The following NBEA variants were observed in gnomAD, a reference collection of about 807,000 sequenced individuals.
NBEA encodes the protein lysosomal-trafficking regulator 2.
NBEA carries 44 observed loss-of-function variants against 343.4 expected under a neutral mutation model. That is an observed-to-expected ratio of 0.13 (90% CI 0.10 to 0.16). The LOEUF (loss-of-function observed/expected upper bound fraction) is 0.16. Ranked by LOEUF, NBEA falls within the 10% of genes least tolerant of loss-of-function variation. The pLI is 1.00. For synonymous variants in NBEA, 1,175 were observed against 1,238.7 expected, an observed-to-expected ratio of 0.95 and a Z score of 1.08; for missense variants, 2,555 against 3,631.3, an observed-to-expected ratio of 0.70 and a Z score of 7.62.
intron 41 of NBEA, among the ~76,000 whole-genome samples, chr13:35,521,321 CA>C (rs2077703526): frequency 6.6e-6 from 1 of 152,080 alleles, no homozygotes; most frequent in African/African-American, 2.4e-5. Context: ...CTTTAAGCAG[CA>C]AAATTTCACC....
intron 34 of NBEA, among the ~76,000 whole-genome samples, chr13:35,283,648 T>A (rs1221295470): frequency 1.3e-5 from 2 of 152,182 alleles, no homozygotes; most frequent in Non-Finnish European, 2.9e-5. Flanking sequence ...TTTCATAGCA[T>A]CTTTAGGAAA....
intron 38 of NBEA, among the ~76,000 whole-genome samples, chr13:35,369,739 G>A (rs2041323121): frequency 1.3e-5 from 2 of 151,890 alleles, no homozygotes; most frequent in Non-Finnish European, 2.9e-5. Flanking sequence ...AGATCGAAGA[G>A]GTTTTTGGTG....
At chr13:35,438,518 A>C (rs1391362813) in intron 39 of NBEA, among the ~76,000 whole-genome samples, 7 of 152,200 alleles carry the variant, frequency 4.6e-5, no homozygotes, top group African/African-American at 1.7e-4. Context: ...GATTTTGTAA[A>C]ACCTAATAAC....
chr13:34,986,130 G>C lies in NBEA; in HGVS notation c.294+43016G>C, dbSNP rs566687998. On this transcript the variant is annotated intron_variant, in intron 1 of 58. Coordinates refer to ENST00000379939, the MANE Select transcript of NBEA (RefSeq NM_001385012.1). Reference sequence around the variant, plus strand: ...TAGTTCTTTTAATTGTGATGTTAGGGTGTCGATTTTAGATGTTTCCTGCTT... The same window carrying C: ...TAGTTCTTTTAATTGTGATGTTAGGCTGTCGATTTTAGATGTTTCCTGCTT... Among the ~76,000 whole-genome samples the C allele has an allele frequency of 1.1e-4, 16 of 150,514 alleles. 1 individual carries two copies. Among genetic ancestry groups the C allele is most frequent in the Non-Finnish European group, 1.9e-4 (13 of 67,300 alleles).
chr13:35,135,742 C>T (rs961710614), intron 17 of NBEA, among the ~76,000 whole-genome samples: 2 of 151,664 alleles, frequency 1.3e-5, no homozygotes, highest in African/African-American at 2.4e-5. Context: ...GAATAGAAAG[C>T]ACAGAAACAC....
chr13:35,434,106 T>A (rs1313792174), intron 39 of NBEA, among the ~76,000 whole-genome samples: 1 of 152,136 alleles, frequency 6.6e-6, no homozygotes, highest in Non-Finnish European at 1.5e-5. Flanking sequence ...AGAAAAATGT[T>A]TGTATTTCTT....
intron 39 of NBEA, among the ~76,000 whole-genome samples, chr13:35,450,104 A>T (rs2046230823): frequency 6.6e-6 from 1 of 152,160 alleles, no homozygotes; most frequent in South Asian, 2.1e-4. Context: ...AAAGAAGTAT[A>T]CAAACTGCAA....
intron 34 of NBEA, among the ~76,000 whole-genome samples, chr13:35,276,765 T>C (rs562535404): frequency 6.6e-6 from 1 of 152,334 alleles, no homozygotes; most frequent in East Asian, 1.9e-4. Context: ...CATACTGTAG[T>C]TCCTAAATGT....
intron 31 of NBEA, among the ~76,000 whole-genome samples, chr13:35,206,539 A>G (rs1018767000): frequency 6.6e-6 from 1 of 152,106 alleles, no homozygotes; most frequent in South Asian, 2.1e-4. Flanking sequence ...TTTAGAGGAG[A>G]ATTTTGATAA....
At chr13:35,403,544 C>G (rs187920031) in intron 38 of NBEA, among the ~76,000 whole-genome samples, 4,499 of 152,078 alleles carry the variant, frequency 0.03, 102 homozygotes, top group Non-Finnish European at 0.045. Flanking sequence ...GGAAAACTGG[C>G]TAGCCATATG....
intron 1 of NBEA, among the ~76,000 whole-genome samples, chr13:35,018,113 A>G (rs555008322): frequency 2.0e-5 from 3 of 152,210 alleles, no homozygotes; most frequent in African/African-American, 4.8e-5. Flanking sequence ...GTGTATGTCT[A>G]TTCTTATGGT....
At chr13:35,093,382 T>C (rs1004787904) in intron 10 of NBEA, among the ~76,000 whole-genome samples, 5 of 151,848 alleles carry the variant, frequency 3.3e-5, no homozygotes, top group Non-Finnish European at 5.9e-5. Flanking sequence ...ATTAAAAGAA[T>C]AGAAAATTCC....
Position 35,045,288 on chromosome 13 carries a change from C to T in NBEA, c.628-18C>T. The T allele has an allele frequency of 6.3e-6, 10 of 1,578,006 alleles. No homozygotes were observed. The highest frequency in any genetic ancestry group is 7.8e-6 in the Non-Finnish European group (9 of 1,155,120). On this transcript the variant is annotated intron_variant, in intron 3 of 58. Transcript: ENST00000379939. ...TAAATTTGTACAATGACATTTCTTT[C>T]TTTTATTGTTTCCCCAGCCAAGACA...
At chr13:35,222,052 A>AG (rs2152762203) in intron 33 of NBEA, among the ~76,000 whole-genome samples, 1 of 152,306 alleles carries the variant, frequency 6.6e-6, no homozygotes, top group Admixed American at 6.5e-5. Context: ...CTATTACTAA[A>AG]GGTAGAAATC....
At chr13:35,422,099 T>G (rs1432478499) in intron 38 of NBEA, among the ~76,000 whole-genome samples, 4 of 143,782 alleles carry the variant, frequency 2.8e-5, no homozygotes, top group Admixed American at 7.0e-5. Flanking sequence ...TTTGTTTTTT[T>G]TTTTTTTTAG....
chr13:35,204,294 A>G (rs2073225168), intron 31 of NBEA, among the ~76,000 whole-genome samples: 1 of 152,146 alleles, frequency 6.6e-6, no homozygotes, highest in South Asian at 2.1e-4. Flanking sequence ...GCTGATAAAG[A>G]CATACCGAAG....
chr13:34,970,711 G>A (rs1169319934), intron 1 of NBEA, among the ~76,000 whole-genome samples: 1 of 151,444 alleles, frequency 6.6e-6, no homozygotes, highest in African/African-American at 2.4e-5. Flanking sequence ...CATATTTCTG[G>A]GTTCTTTTTT....
At chr13:35,519,584 G>A (rs982763759) in intron 41 of NBEA, among the ~76,000 whole-genome samples, 3 of 152,090 alleles carry the variant, frequency 2.0e-5, no homozygotes, top group Non-Finnish European at 4.4e-5. Context: ...TCAGTGTAAT[G>A]TAGACATGAA....
chr13:35,665,186 G>T lies in NBEA; in HGVS notation c.8464G>T (p.Glu2822Ter). Reference protein sequence around the residue: ...ELGLVISGAKEGPCLVHTITG... With the variant: ...ELGLVISGAK Reference sequence around the variant, plus strand: ...TGGGCTTGTTATCAGTGGTGCTAAAGGTCAGAAGTCATTTCTTTCATTTTC... The same window carrying T: ...TGGGCTTGTTATCAGTGGTGCTAAATGTCAGAAGTCATTTCTTTCATTTTC... The change falls in exon 56 of 59, where the codon GAG becomes TAG. Residue 2822 changes from glutamate (E) to a stop codon, truncating the protein, a stop_gained and splice_region_variant. Transcript: ENST00000379939. LOFTEE classifies it high-confidence loss of function. The T allele has an allele frequency of 6.3e-7, 1 of 1,579,330 alleles. No individual in the cohort carries two copies.
Sources: allele counts gnomAD v4.1 joint callset (sites outside exome capture counted in the v4.1 genomes callset), GRCh38; gene constraint gnomAD v4.1.1; transcripts MANE v1.5; gene names NCBI Gene and HGNC (gene_info 2026-07-23, HGNC 2026-07-21).